Variants in XPO1 observed in about 807,000 individuals in gnomAD.
XPO1 encodes the protein exportin-1.
XPO1 carries 5 observed loss-of-function variants against 133.3 expected under a neutral mutation model. The ratio of observed to expected loss-of-function variants is 0.04; its 90% CI spans 0.02 to 0.08. The LOEUF (loss-of-function observed/expected upper bound fraction) is 0.08, where lower values mean the gene tolerates loss of function less well. Ranked by LOEUF, XPO1 falls within the 10% of genes least tolerant of loss-of-function variation. XPO1 has a pLI of 1.00. For synonymous variants in XPO1, 419 were observed against 408.2 expected (o/e 1.03, Z -0.32); for missense variants, 506 against 1,267.5 (o/e 0.40, Z 9.12).
chr2:61,531,927 T>C (rs753835112), intron 2 of XPO1, among the ~76,000 whole-genome samples: 3 of 152,150 alleles, frequency 2.0e-5, no homozygotes, highest in Admixed American at 6.5e-5. Context: ...GCAAGAGTAA[T>C]TTTTTCTACT....
At chr2:61,484,520 G>A (rs1050604881) in intron 20 of XPO1, 1 of 159,846 alleles carries the variant, frequency 6.3e-6, no homozygotes, top group African/African-American at 2.4e-5. Flanking sequence ...CCAGGCTGTA[G>A]TGCAGTGGCG....
At chr2:61,529,666 CAA>C (rs368005107) in intron 2 of XPO1, among the ~76,000 whole-genome samples, 15 of 84,254 alleles carry the variant, frequency 1.8e-4, no homozygotes, top group Non-Finnish European at 1.8e-4. Flanking sequence ...TGTCTCATTA[CAA>C]AAAAAAAAAA....
At chr2:61,506,274 T>C (rs1198332210) in intron 4 of XPO1, among the ~76,000 whole-genome samples, 1 of 151,952 alleles carries the variant, frequency 6.6e-6, no homozygotes, top group East Asian at 1.9e-4. Flanking sequence ...TACAACAAAA[T>C]TAGCCAGGCA....
intron 9 of XPO1, among the ~76,000 whole-genome samples, 183 bp from the exon 10 acceptor site, chr2:61,497,190 T>C (rs1697279739): frequency 6.6e-6 from 1 of 152,188 alleles, no homozygotes; most frequent in Non-Finnish European, 1.5e-5. Context: ...ATTGCCTACC[T>C]AGTATACAGT....
chr2:61,519,012 G>A (rs568059735), intron 4 of XPO1, among the ~76,000 whole-genome samples: 5 of 151,970 alleles, frequency 3.3e-5, no homozygotes, highest in African/African-American at 9.7e-5. Flanking sequence ...GTGCAATGGC[G>A]TGATCTCAGC....
At position 61,486,744 on chromosome 2, in the gene XPO1, G is replaced by A. The variant is rs991101792; in HGVS notation, c.2314-782C>T. 1.4e-4 allele frequency among the ~76,000 whole-genome samples: 22 copies of A among 152,122 alleles called. 1 individual carries two copies. The highest frequency in any genetic ancestry group is 9.8e-4 in the Admixed American group (15 of 15,260). ...TTTAATCTAATGAATGCTAACTGGT[G>A]AGTATTTTCACAAGCAGAAATAACA... On this transcript the variant is annotated intron_variant, in intron 19 of 24. Coordinates refer to ENST00000401558, the MANE Select transcript of XPO1 (RefSeq NM_003400.4).
At chr2:61,519,904 C>T (rs1021614565) in intron 4 of XPO1, among the ~76,000 whole-genome samples, 2 of 152,008 alleles carry the variant, frequency 1.3e-5, no homozygotes, top group African/African-American at 4.8e-5. Context: ...AGCTAAAGGG[C>T]CGGACTTAGA....
At position 61,496,951 on chromosome 2, in the gene XPO1, A is replaced by G. The variant is rs763749686; in HGVS notation, c.816T>C (p.Ala272=). 3.0e-5 allele frequency: 48 copies of G among 1,613,552 alleles called. No homozygotes were observed. The highest frequency in any genetic ancestry group is 3.7e-5 in the Non-Finnish European group (44 of 1,179,874). Residue 272 remains alanine, a synonymous_variant, in exon 10 of 25, where the codon GCT becomes GCC. Coordinates refer to ENST00000401558, the MANE Select transcript of XPO1 (RefSeq NM_003400.4). The part of the protein sequence containing the change: ...NVSLKCLTEI[A]GVSVSQYEEQ... ...CTTCATATTGGCTTACACTCACACC[A>G]GCAATCTCAGTGAGGCACTTCAGAG...
chr2:61,478,131 A>G lies in XPO1; in HGVS notation c.*689T>C, dbSNP rs185276431. 4 of 233,376 alleles carry G rather than the reference A, an allele frequency of 1.7e-5. No homozygotes were observed. Among genetic ancestry groups the G allele is most frequent in the Admixed American group, 1.7e-4 (3 of 17,786 alleles). The allele number at this position is 233,376 out of a possible 1,614,324, so 14.5% of individuals were successfully genotyped here. On this transcript the variant is annotated 3_prime_UTR_variant, in exon 25 of 25. Coordinates refer to ENST00000401558, the MANE Select transcript of XPO1 (RefSeq NM_003400.4). ...CACTTCGAGTTAATGAAGGCTCACA[A>G]ATGAGCAACACTCCTCATTGAGGAA...
intron 4 of XPO1, among the ~76,000 whole-genome samples, chr2:61,512,935 G>C (rs1429227060): frequency 6.6e-6 from 1 of 152,162 alleles, no homozygotes; most frequent in Non-Finnish European, 1.5e-5. Context: ...GGCAGGTGGA[G>C]TTTGCAGTGA....
At chr2:61,509,165 C>G (rs1462947210) in intron 4 of XPO1, among the ~76,000 whole-genome samples, 2 of 151,048 alleles carry the variant, frequency 1.3e-5, no homozygotes, top group Admixed American at 1.3e-4. Context: ...CCACGCCCAG[C>G]TGATTTTTTT....
chr2:61,520,565 T>A (rs1164719114), intron 4 of XPO1, among the ~76,000 whole-genome samples: 3 of 152,106 alleles, frequency 2.0e-5, no homozygotes, highest in African/African-American at 7.2e-5. Flanking sequence ...GGTGGGAGGA[T>A]TGCTTGACCG....
chr2:61,499,520 T>C (rs1002984907), intron 7 of XPO1, among the ~76,000 whole-genome samples, 193 bp downstream of exon 7: 5 of 152,248 alleles, frequency 3.3e-5, no homozygotes, highest in African/African-American at 1.2e-4. Context: ...CTTGAACAAT[T>C]CATTTTTCAA....
chr2:61,511,170 C>T (rs1698078448), intron 4 of XPO1, among the ~76,000 whole-genome samples: 1 of 152,172 alleles, frequency 6.6e-6, no homozygotes, highest in African/African-American at 2.4e-5. Flanking sequence ...GTTGCCCAGG[C>T]TGGAATGCAA....
chr2:61,529,639 G>A (rs1699065742), intron 2 of XPO1, among the ~76,000 whole-genome samples: 2 of 150,968 alleles, frequency 1.3e-5, no homozygotes, highest in Middle Eastern at 3.4e-3. Context: ...TCCAGCCTGG[G>A]CTACAGAGTG....
At chr2:61,514,475 C>T (rs1698258077) in intron 4 of XPO1, among the ~76,000 whole-genome samples, 1 of 151,626 alleles carries the variant, frequency 6.6e-6, no homozygotes. Flanking sequence ...TGCCTGTAGT[C>T]TCAGCTACTC....
intron 16 of XPO1, among the ~76,000 whole-genome samples, chr2:61,491,459 A>ACACACACAC (rs1696983059): frequency 3.5e-5 from 5 of 142,908 alleles, no homozygotes; most frequent in Admixed American, 7.0e-5. Flanking sequence ...TCAAAAAACA[A>ACACACACAC]ACACACACAC....
intron 1 of XPO1, chr2:61,537,149 A>C (rs931780268): frequency 2.6e-5 from 4 of 152,008 alleles, no homozygotes; most frequent in African/African-American, 7.3e-5. Context: ...CGGACGTTTC[A>C]ATGCTGCTGC....
chr2:61,498,840 T>TA, intron 8 of XPO1, 25 bp downstream of exon 8: 3 of 1,607,566 alleles, frequency 1.9e-6, no homozygotes, highest in Non-Finnish European at 2.5e-6. Flanking sequence ...TTATTGTTTT[T>TA]AAAAATGAAA....
Sources: allele counts gnomAD v4.1 joint callset (sites outside exome capture counted in the v4.1 genomes callset), GRCh38; gene constraint gnomAD v4.1.1; transcripts MANE v1.5; gene names NCBI Gene and HGNC (gene_info 2026-07-23, HGNC 2026-07-21).